The following TUSC3 variants were observed in gnomAD, a reference collection of about 807,000 sequenced individuals.
The protein encoded by TUSC3 is tumor suppressor candidate 3.
A neutral mutation model predicts 44.8 loss-of-function variants in TUSC3; 45 were observed. The observed-to-expected ratio is 1.00, with a 90% CI of 0.79 to 1.29. The LOEUF is 1.29. TUSC3 is among the 50% of genes most tolerant of loss of function. TUSC3 has a pLI of 0.00. For synonymous variants in TUSC3, 212 were observed against 152.9 expected, an observed-to-expected ratio of 1.39 and a Z score of -2.85; for missense variants, 519 against 437.9, an observed-to-expected ratio of 1.19 and a Z score of -1.65.
chr8:15,749,745 T>G (rs1461551784), intron 9 of TUSC3, among the ~76,000 whole-genome samples: 1 of 150,452 alleles, frequency 6.6e-6, no homozygotes, highest in Non-Finnish European at 1.5e-5. Flanking sequence ...TTTTTTTTTT[T>G]TCTTTTGCCC....
chr8:15,520,666 T>G (rs888366291), intron 2 of TUSC3, among the ~76,000 whole-genome samples: 1 of 152,184 alleles, frequency 6.6e-6, no homozygotes, highest in African/African-American at 2.4e-5. Flanking sequence ...CAGGTTTAAC[T>G]CCTCCATAGT....
At chr8:15,594,569 A>G (rs1803986671) in intron 1 of TUSC3, among the ~76,000 whole-genome samples, 1 of 152,150 alleles carries the variant, frequency 6.6e-6, no homozygotes, top group South Asian at 2.1e-4. Flanking sequence ...TCTTGATTAT[A>G]AGATTTGTTA....
chr8:15,652,114 T>C (rs556003682), intron 3 of TUSC3, among the ~76,000 whole-genome samples: 184 of 152,320 alleles, frequency 1.2e-3, no homozygotes, highest in Admixed American at 2.2e-3. Context: ...TATTATTTTT[T>C]AAAATGTTTT....
the TUSC3 span, chr8:15,806,241 G>C: frequency 1.8e-6 from 1 of 558,610 alleles, no homozygotes. Context: ...TTGCTTGTTT[G>C]CCAATTCACC....
At chr8:15,813,507 T>G in the TUSC3 span, among the ~76,000 whole-genome samples, 5 of 152,172 alleles carry the variant, frequency 3.3e-5, no homozygotes, top group Non-Finnish European at 7.3e-5. Context: ...AAGTACGAGG[T>G]AATCATAACC....
chr8:15,791,636 G>A, the TUSC3 span, among the ~76,000 whole-genome samples: 1 of 152,078 alleles, frequency 6.6e-6, no homozygotes, highest in Non-Finnish European at 1.5e-5. Flanking sequence ...CATTGCCAAT[G>A]CTCAAATACA....
chr8:15,800,188 C>G, the TUSC3 span, among the ~76,000 whole-genome samples: 1 of 152,174 alleles, frequency 6.6e-6, no homozygotes, highest in Non-Finnish European at 1.5e-5. Flanking sequence ...GCTCACAAAA[C>G]ATAGAGAAAC....
At chr8:15,565,836 G>T (rs1431632367) in intron 1 of TUSC3, among the ~76,000 whole-genome samples, 1 of 152,076 alleles carries the variant, frequency 6.6e-6, no homozygotes, top group Non-Finnish European at 1.5e-5. Flanking sequence ...AGGTGTGGAT[G>T]ACTGTGTGGT....
chr8:15,564,851 C>T (rs1802606936), intron 1 of TUSC3, among the ~76,000 whole-genome samples: 1 of 152,000 alleles, frequency 6.6e-6, no homozygotes, highest in Non-Finnish European at 1.5e-5. Flanking sequence ...CACAAGCTTC[C>T]CCGTGTGGTT....
At chr8:15,657,726 AC>A (rs1807235931) in intron 3 of TUSC3, among the ~76,000 whole-genome samples, 1 of 151,868 alleles carries the variant, frequency 6.6e-6, no homozygotes, top group Admixed American at 6.6e-5. Flanking sequence ...TGGTTCCAAA[AC>A]CATTTCACCT....
upstream of TUSC3, among the ~76,000 whole-genome samples, chr8:15,538,874 G>C (rs1801577571): frequency 1.3e-5 from 2 of 151,716 alleles, no homozygotes; most frequent in Admixed American, 1.3e-4. Flanking sequence ...TTTGGAGACA[G>C]GGTTTTGCTC....
intron 9 of TUSC3, among the ~76,000 whole-genome samples, chr8:15,756,548 T>A (rs1811936215): frequency 6.6e-6 from 1 of 152,204 alleles, no homozygotes; most frequent in South Asian, 2.1e-4. Context: ...TTTTCTAGAT[T>A]ATAAGGTATT....
Position 15,662,071 on chromosome 8 carries a change from G to T in TUSC3, c.568-85G>T. The T allele has an allele frequency of 3.4e-6, 5 of 1,490,562 alleles. No homozygotes were observed. In the South Asian group the frequency reaches 4.6e-5, roughly 14 times the overall value. The allele number at this position is 1,490,562 out of a possible 1,614,324, so 92.3% of individuals were successfully genotyped here. On this transcript the variant is annotated intron_variant, in intron 4 of 10. Transcript: ENST00000503731. ...GGTGGCATGTTTCTGAGTTCTTTGC[G>T]TTGAAAATTATGAGGACTAGAATAT...
the TUSC3 span, among the ~76,000 whole-genome samples, chr8:15,784,548 GCA>G: frequency 1.3e-5 from 2 of 151,218 alleles, no homozygotes; most frequent in African/African-American, 2.4e-5. Flanking sequence ...GTGTGTGTAT[GCA>G]CACACACACA....
rs190324235 is a variant in TUSC3 at position 15,487,312 on chromosome 8, A to G, written n.189+3829A>G. On this transcript the variant is annotated intron_variant and non_coding_transcript_variant, in intron 2 of 5. Coordinates refer to the TUSC3 transcript ENST00000503191. ...AGCTTCTGAGTATCTTGAGAGCAAG[A>G]TTTGTCTCGTGATTTATTTCCTCCT... 2.6e-5 allele frequency among the ~76,000 whole-genome samples: 4 copies of G among 152,224 alleles called. No homozygotes were observed. In the East Asian group the frequency reaches 7.7e-4, roughly 29 times the overall value.
chr8:15,531,434 T>C (rs543614299), intron 2 of TUSC3, among the ~76,000 whole-genome samples: 1 of 152,300 alleles, frequency 6.6e-6, no homozygotes, highest in East Asian at 1.9e-4. Context: ...GTATTTTTAG[T>C]AGAGACAGGG....
intron 2 of TUSC3, among the ~76,000 whole-genome samples, chr8:15,489,029 T>C (rs1216784367): frequency 6.6e-6 from 1 of 152,172 alleles, no homozygotes; most frequent in Non-Finnish European, 1.5e-5. Flanking sequence ...AAAATATTTA[T>C]AGAGACTTAC....
chr8:15,431,796 G>A (rs918757574), intron 1 of TUSC3, among the ~76,000 whole-genome samples: 9 of 103,364 alleles, frequency 8.7e-5, no homozygotes, highest in Non-Finnish European at 4.3e-5. Flanking sequence ...TGTTAGCTGT[G>A]GGCTTGTCAT....
chr8:15,723,498 G>A lies in TUSC3; in HGVS notation c.799-7168G>A, dbSNP rs147164472. 7.3e-3 allele frequency among the ~76,000 whole-genome samples: 1,108 copies of A among 152,232 alleles called. 15 individuals are homozygous for A. The highest frequency in any genetic ancestry group is 0.026 in the African/African-American group (1,067 of 41,536). On this transcript the variant is annotated intron_variant, in intron 6 of 10. Transcript: ENST00000503731. ...GGAAATCCAACAAGTGGCATTTTTTGTCACCTGGATGTAGATAATACCTCT... is the reference window on the plus strand; with the variant it reads ...GGAAATCCAACAAGTGGCATTTTTTATCACCTGGATGTAGATAATACCTCT...
Sources: gnomAD v4.1 joint callset for allele counts (sites outside exome capture counted in the v4.1 genomes callset) on GRCh38, gnomAD v4.1.1 for gene constraint, MANE v1.5 for transcripts, NCBI Gene and HGNC (gene_info 2026-07-23, HGNC 2026-07-21) for gene names.